UNC13C: variants seen among roughly 807,000 people sequenced by gnomAD.
UNC13C encodes unc-13 homolog C.
A neutral mutation model predicts 245.4 loss-of-function variants in UNC13C; 174 were observed. The observed-to-expected ratio is 0.71, with a 90% confidence interval of 0.63 to 0.80. The LOEUF is 0.80. Ranked by LOEUF, UNC13C falls within the 30% of genes least tolerant of loss-of-function variation. UNC13C has a pLI of 0.00. For synonymous variants in UNC13C, 992 were observed against 895.1 expected (o/e 1.11, Z -1.93); for missense variants, 2,829 against 2,602.9 (o/e 1.09, Z -1.89).
At chr15:54,466,477 A>T (rs1311557083) in intron 19 of UNC13C, among the ~76,000 whole-genome samples, 3 of 151,920 alleles carry the variant, frequency 2.0e-5, no homozygotes, top group Non-Finnish European at 4.4e-5. Context: ...TTTCCAAAAA[A>T]GTCAGCTGAA....
At chr15:54,025,991 T>A (rs1389787337) in intron 2 of UNC13C, among the ~76,000 whole-genome samples, 1 of 152,172 alleles carries the variant, frequency 6.6e-6, no homozygotes, top group Admixed American at 6.5e-5. Context: ...GGAAAGCCCG[T>A]GGTTTTAGAT....
chr15:53,875,714 T>G, the UNC13C span, among the ~76,000 whole-genome samples: 1 of 152,224 alleles, frequency 6.6e-6, no homozygotes, highest in Non-Finnish European at 1.5e-5. Flanking sequence ...CATGTAGTTA[T>G]AATATAATTC....
At chr15:53,927,617 G>T in the UNC13C span, among the ~76,000 whole-genome samples, 25 of 152,110 alleles carry the variant, frequency 1.6e-4, no homozygotes, top group South Asian at 5.2e-3. Context: ...ATATGAAGGT[G>T]CCATGTACAG....
chr15:54,054,786 C>G (rs1025043520), intron 2 of UNC13C, among the ~76,000 whole-genome samples: 1 of 151,764 alleles, frequency 6.6e-6, no homozygotes, highest in African/African-American at 2.4e-5. Context: ...GACATTTTCA[C>G]GAACATATTT....
intron 19 of UNC13C, among the ~76,000 whole-genome samples, chr15:54,437,439 ATCTGAG>A (rs1230305165): frequency 6.6e-6 from 1 of 151,988 alleles, no homozygotes; most frequent in East Asian, 2.0e-4. Flanking sequence ...TGGTAATATA[ATCTGAG>A]TCTAATCTAT....
At chr15:54,023,289 C>G (rs1895976012) in intron 2 of UNC13C, among the ~76,000 whole-genome samples, 1 of 152,216 alleles carries the variant, frequency 6.6e-6, no homozygotes, top group Non-Finnish European at 1.5e-5. Flanking sequence ...AGTCGATGCT[C>G]TTTCCCTGAC....
intron 19 of UNC13C, among the ~76,000 whole-genome samples, chr15:54,443,144 G>A (rs1890623051): frequency 6.6e-6 from 1 of 152,048 alleles, no homozygotes; most frequent in African/African-American, 2.4e-5. Flanking sequence ...ATCCTGGAAG[G>A]TTATATGTGC....
chr15:54,489,631 A>T (rs1364531483), intron 19 of UNC13C, among the ~76,000 whole-genome samples: 1 of 152,194 alleles, frequency 6.6e-6, no homozygotes, highest in African/African-American at 2.4e-5. Flanking sequence ...CCCAAATTCA[A>T]TCATACAGCA....
chr15:54,225,744 C>T (rs2140798242), intron 4 of UNC13C, among the ~76,000 whole-genome samples: 1 of 152,292 alleles, frequency 6.6e-6, no homozygotes, highest in East Asian at 1.9e-4. Context: ...AGGATTATGT[C>T]ATCTGCCAAC....
chr15:54,142,648 G>C (rs773185877), intron 2 of UNC13C, among the ~76,000 whole-genome samples: 2 of 152,174 alleles, frequency 1.3e-5, no homozygotes, highest in African/African-American at 4.8e-5. Flanking sequence ...TTGTATTTCA[G>C]AGTTGGATCT....
At chr15:54,055,961 C>T (rs1897496071) in intron 2 of UNC13C, among the ~76,000 whole-genome samples, 1 of 152,114 alleles carries the variant, frequency 6.6e-6, no homozygotes, top group Non-Finnish European at 1.5e-5. Context: ...TACTGGATAC[C>T]TTCCATTAGC....
At chr15:54,426,136 A>C (rs1033927937) in intron 19 of UNC13C, among the ~76,000 whole-genome samples, 1 of 151,692 alleles carries the variant, frequency 6.6e-6, no homozygotes, top group African/African-American at 2.4e-5. Context: ...CTGATTAGCA[A>C]ACTTAATTCC....
chr15:54,624,055 A>T, intron 32 of UNC13C, 101 bp downstream of exon 32: 1 of 1,437,800 alleles, frequency 7.0e-7, no homozygotes, highest in African/African-American at 1.4e-5. Flanking sequence ...GAAAATGAAG[A>T]AGGCTCTGTT....
At chr15:54,048,477 G>A (rs945379288) in intron 2 of UNC13C, 12 of 607,322 alleles carry the variant, frequency 2.0e-5, no homozygotes, top group African/African-American at 5.6e-5. Flanking sequence ...GCCTGAAGAA[G>A]TGCTATTTCA....
Position 54,341,937 on chromosome 15 carries a change from C to G in UNC13C, c.4713+3448C>G, listed in dbSNP as rs538692559. ...CTTGCAGTGAGCCGAGGTTGCACCA[C>G]TGCACTCCAGCCTGGGCGACAGAGC... On this transcript the variant is annotated intron_variant, in intron 17 of 32. Coordinates refer to ENST00000260323, the MANE Select transcript of UNC13C (RefSeq NM_001080534.3). 3.3e-5 allele frequency among the ~76,000 whole-genome samples: 5 copies of G among 150,198 alleles called. No homozygotes were observed. In the East Asian group the frequency reaches 9.8e-4, roughly 30 times the overall value.
intron 17 of UNC13C, among the ~76,000 whole-genome samples, chr15:54,360,483 AT>A (rs2039205893): frequency 6.6e-6 from 1 of 152,024 alleles, no homozygotes; most frequent in African/African-American, 2.4e-5. Flanking sequence ...GTGCTCTGAT[AT>A]TGGGTACATA....
chr15:54,082,385 C>T (rs9672621), intron 2 of UNC13C, among the ~76,000 whole-genome samples: 1 of 151,966 alleles, frequency 6.6e-6, no homozygotes, highest in South Asian at 2.1e-4. Flanking sequence ...ACTTTTTCTT[C>T]TTCTCTATCA....
intron 18 of UNC13C, among the ~76,000 whole-genome samples, chr15:54,401,006 G>GT (rs745906561): frequency 1.4e-4 from 22 of 152,056 alleles, no homozygotes; most frequent in Admixed American, 3.3e-4. Flanking sequence ...CAAAATGGTG[G>GT]TTTTATAAGG....
At chr15:54,036,003 G>T (rs1381735842) in intron 2 of UNC13C, among the ~76,000 whole-genome samples, 2 of 152,166 alleles carry the variant, frequency 1.3e-5, no homozygotes. Flanking sequence ...AGGAATTGAG[G>T]TTATAAAGAA....
Sources: allele counts gnomAD v4.1 joint callset (sites outside exome capture counted in the v4.1 genomes callset), GRCh38; gene constraint gnomAD v4.1.1; transcripts MANE v1.5; gene names NCBI Gene and HGNC (gene_info 2026-07-23, HGNC 2026-07-21).